BLTP3B: variants seen among roughly 807,000 people sequenced by gnomAD.
BLTP3B encodes UHRF1 (ICBP90) binding protein 1-like.
chr12:100,128,559 C>T, the BLTP3B span: 1 of 1,142,342 alleles, frequency 8.8e-7, no homozygotes, highest in East Asian at 6.6e-5. Context: ...AAAAAAAAAG[C>T]ATGGGGAATA....
the BLTP3B span, among the ~76,000 whole-genome samples, chr12:100,110,812 T>C: frequency 6.6e-6 from 1 of 152,104 alleles, no homozygotes; most frequent in Non-Finnish European, 1.5e-5. Flanking sequence ...ATTGAAAAAA[T>C]ATCAGAAATA....
chr12:100,070,808 A>T, the BLTP3B span, among the ~76,000 whole-genome samples: 348 of 152,162 alleles, frequency 2.3e-3, 8 homozygotes, highest in East Asian at 0.04. Context: ...AGCTTGGCCA[A>T]CAAGGAGAAA....
At chr12:100,058,217 A>C in the BLTP3B span, 1 of 1,612,694 alleles carries the variant, frequency 6.2e-7, no homozygotes, top group Non-Finnish European at 8.5e-7. Context: ...TATCAAATGA[A>C]AGTATATTCG....
the BLTP3B span, among the ~76,000 whole-genome samples, chr12:100,067,923 C>A: frequency 6.6e-6 from 1 of 152,144 alleles, no homozygotes; most frequent in African/African-American, 2.4e-5. Context: ...GGCCATACTG[C>A]CAAAAGCAAT....
At chr12:100,123,660 T>C in the BLTP3B span, among the ~76,000 whole-genome samples, 1 of 152,172 alleles carries the variant, frequency 6.6e-6, no homozygotes, top group Non-Finnish European at 1.5e-5. Context: ...CTCTTTGAGT[T>C]TGATTAACGT....
chr12:100,139,177 G>C, the BLTP3B span, among the ~76,000 whole-genome samples: 1 of 152,138 alleles, frequency 6.6e-6, no homozygotes, highest in Non-Finnish European at 1.5e-5. Context: ...TTAACAACTG[G>C]AGAGATGTTT....
chr12:100,104,156 T>C, the BLTP3B span, among the ~76,000 whole-genome samples: 2 of 151,848 alleles, frequency 1.3e-5, no homozygotes, highest in African/African-American at 4.8e-5. Context: ...TATTACTAGC[T>C]ATATCTCCTC....
At chr12:100,096,019 A>C in the BLTP3B span, among the ~76,000 whole-genome samples, 1 of 152,254 alleles carries the variant, frequency 6.6e-6, no homozygotes, top group African/African-American at 2.4e-5. Context: ...TGGGAGGCCA[A>C]GGCAGGTGGA....
the BLTP3B span, chr12:100,039,578 A>T: frequency 4.4e-6 from 7 of 1,597,634 alleles, no homozygotes; most frequent in Non-Finnish European, 6.0e-6. Context: ...GCTGAATCTG[A>T]ATTAGGTTTC....
At chr12:100,066,830 C>A in the BLTP3B span, among the ~76,000 whole-genome samples, 1 of 151,182 alleles carries the variant, frequency 6.6e-6, no homozygotes, top group African/African-American at 2.4e-5. Context: ...TACTCTGGAA[C>A]AAATGGACTT....
chr12:100,083,854 G>A, the BLTP3B span, among the ~76,000 whole-genome samples: 1 of 152,158 alleles, frequency 6.6e-6, no homozygotes, highest in African/African-American at 2.4e-5. Context: ...GCCTATGTTG[G>A]TCTGAGCAAA....
chr12:100,037,352 C>T, the BLTP3B span: 1 of 1,049,514 alleles, frequency 9.5e-7, no homozygotes, highest in Admixed American at 5.6e-5. Flanking sequence ...ATGACATCTT[C>T]TTTTCATTAG....
the BLTP3B span, among the ~76,000 whole-genome samples, chr12:100,094,662 GCATGGCCAA>G: frequency 1.3e-5 from 2 of 152,208 alleles, no homozygotes; most frequent in Non-Finnish European, 2.9e-5. Flanking sequence ...TTCGGGACCA[GCATGGCCAA>G]CACAGCGAAA....
At chr12:100,059,568 G>A in the BLTP3B span, 5 of 1,532,762 alleles carry the variant, frequency 3.3e-6, no homozygotes, top group African/African-American at 5.6e-5. Context: ...CATCCAACTG[G>A]CAAATCCATA....
chr12:100,098,298 C>T, the BLTP3B span: 1 of 1,497,252 alleles, frequency 6.7e-7, no homozygotes, highest in East Asian at 2.3e-5. Flanking sequence ...TTTAATCGTC[C>T]TCTTTTACTT....
chr12:100,098,551 C>T, the BLTP3B span: 25 of 1,596,464 alleles, frequency 1.6e-5, no homozygotes, highest in Non-Finnish European at 2.1e-5. Context: ...ACTGGAAAAA[C>T]AAAGCAAAAC....
chr12:100,122,900 T>C, the BLTP3B span, among the ~76,000 whole-genome samples: 1 of 152,170 alleles, frequency 6.6e-6, no homozygotes, highest in Non-Finnish European at 1.5e-5. Context: ...CTGAGAACAG[T>C]TGGACATGCA....
At chr12:100,135,479 G>C in the BLTP3B span, among the ~76,000 whole-genome samples, 1 of 151,992 alleles carries the variant, frequency 6.6e-6, no homozygotes, top group Non-Finnish European at 1.5e-5. Flanking sequence ...ATGTTGGCCA[G>C]GCTGGTCTCA....
the BLTP3B span, among the ~76,000 whole-genome samples, chr12:100,038,983 A>G: frequency 6.6e-6 from 1 of 152,050 alleles, no homozygotes; most frequent in Admixed American, 6.6e-5. Context: ...CCAATTGAAC[A>G]CTCTTGTCCC....
Sources: gnomAD v4.1 joint callset for allele counts (sites outside exome capture counted in the v4.1 genomes callset) on GRCh38, gnomAD v4.1.1 for gene constraint, MANE v1.5 for transcripts, NCBI Gene and HGNC (gene_info 2026-07-23, HGNC 2026-07-21) for gene names.